The following BNC2 variants were observed in gnomAD, a reference collection of about 807,000 sequenced individuals.
BNC2 encodes the protein basonuclin zinc finger protein 2, also known as zinc finger protein basonuclin-2.
BNC2 carries 20 observed loss-of-function variants against 76.3 expected under a neutral mutation model. That is an observed-to-expected ratio of 0.26 (90% CI 0.18 to 0.38). The LOEUF is 0.38. Among genes scored for constraint, BNC2 ranks in the 10% least tolerant of loss-of-function variants. BNC2 has a pLI of 1.00. For missense variants in BNC2, 1,382 were observed against 1,399.8 expected (o/e 0.99, Z 0.20); for synonymous variants, 582 against 514.8 (o/e 1.13, Z -1.77).
intron 4 of BNC2, among the ~76,000 whole-genome samples, chr9:16,568,171 C>T (rs1819219440): frequency 6.6e-6 from 1 of 152,110 alleles, no homozygotes; most frequent in Admixed American, 6.6e-5. Flanking sequence ...CTTTTAGGAG[C>T]TCTGGATCCT....
intron 5 of BNC2, among the ~76,000 whole-genome samples, chr9:16,531,327 G>A (rs1249598312): frequency 6.6e-6 from 1 of 151,590 alleles, no homozygotes; most frequent in Non-Finnish European, 1.5e-5. Flanking sequence ...CTTCACATGT[G>A]CAAAAACAAG....
intron 3 of BNC2, among the ~76,000 whole-genome samples, chr9:16,594,092 C>G (rs1820003455): frequency 6.6e-6 from 1 of 152,042 alleles, no homozygotes; most frequent in Non-Finnish European, 1.5e-5. Flanking sequence ...TTAATAAGGA[C>G]AGGATTTATA....
At chr9:16,843,019 GT>G (rs1818873588) in intron 1 of BNC2, among the ~76,000 whole-genome samples, 1 of 152,118 alleles carries the variant, frequency 6.6e-6, no homozygotes. Flanking sequence ...AAAATTCAAA[GT>G]TTTTTAATGA....
At chr9:16,450,276 C>T (rs10810564) in intron 5 of BNC2, among the ~76,000 whole-genome samples, 17,798 of 152,154 alleles carry the variant, frequency 0.12, 1,281 homozygotes, top group South Asian at 0.22. Flanking sequence ...ACAAAATGAG[C>T]ATCTTTAAAT....
chr9:16,472,957 G>C lies in BNC2; in HGVS notation c.670-35433C>G, dbSNP rs191578810. Among the ~76,000 whole-genome samples, 3 of 152,314 alleles carry C rather than the reference G, an allele frequency of 2.0e-5. No individual in the cohort carries two copies. In the East Asian group the frequency reaches 5.8e-4, roughly 29 times the overall value. ...AATGGACATGGGTCATCCACAGAGAGGCAGCAGCTGTATGTGGATACTATG... is the reference window on the plus strand; with the variant it reads ...AATGGACATGGGTCATCCACAGAGACGCAGCAGCTGTATGTGGATACTATG... On this transcript the variant is annotated intron_variant, in intron 5 of 6. Transcript: ENST00000380672.
chr9:16,588,651 A>G (rs573355784), intron 3 of BNC2, among the ~76,000 whole-genome samples: 4 of 152,348 alleles, frequency 2.6e-5, no homozygotes, highest in Non-Finnish European at 4.4e-5. Flanking sequence ...AAACTAATCA[A>G]TGTTTGGTCA....
intron 3 of BNC2, among the ~76,000 whole-genome samples, chr9:16,583,628 CAT>C (rs1285259246): frequency 6.6e-6 from 1 of 152,116 alleles, no homozygotes; most frequent in Non-Finnish European, 1.5e-5. Context: ...TAAGACCTAA[CAT>C]ATTTCTATTA....
intron 3 of BNC2, among the ~76,000 whole-genome samples, chr9:16,702,154 G>C (rs923370199): frequency 6.6e-6 from 1 of 152,094 alleles, no homozygotes; most frequent in African/African-American, 2.4e-5. Flanking sequence ...CATGTATGTT[G>C]ACTGCTGCTG....
At position 16,425,801 on chromosome 9, in the gene BNC2, T is replaced by C. The variant is rs112977712; in HGVS notation, c.2640-6152A>G. ...CCTACAGTTAGAAAACAATTTGTCATTGCTGTGGAATGCATAAAAAATGTT... is the reference window on the plus strand; with the variant it reads ...CCTACAGTTAGAAAACAATTTGTCACTGCTGTGGAATGCATAAAAAATGTT... On this transcript the variant is annotated intron_variant, in intron 6 of 6. Transcript: ENST00000380672. Among the ~76,000 whole-genome samples the C allele has an allele frequency of 5.1e-3, 773 of 152,344 alleles. 7 individuals are homozygous for C. The highest frequency in any genetic ancestry group is 6.9e-3 in the Non-Finnish European group (471 of 68,024).
In BNC2 at chr9:16,830,887, A is replaced by C. The variant is rs536222261; in HGVS notation, c.3+39759T>G. On this transcript the variant is annotated intron_variant, in intron 1 of 6. Coordinates refer to ENST00000380672, the MANE Select transcript of BNC2 (RefSeq NM_017637.6). Reference sequence around the variant, plus strand: ...GGATTCTTGGAGGCTGAAAGACTTAAAATTTGAGGAATGAAAGAATAGCAA... The same window carrying C: ...GGATTCTTGGAGGCTGAAAGACTTACAATTTGAGGAATGAAAGAATAGCAA... Among the ~76,000 whole-genome samples, 5 of 152,352 alleles carry C rather than the reference A, an allele frequency of 3.3e-5. No individual in the cohort carries two copies. The South Asian group carries it at 1.0e-3, about 32-fold the overall frequency.
chr9:16,837,363 G>A (rs1251815076), intron 1 of BNC2, among the ~76,000 whole-genome samples: 3 of 152,090 alleles, frequency 2.0e-5, no homozygotes, highest in Admixed American at 6.6e-5. Flanking sequence ...AATTAGCCGA[G>A]CGTGGTGGCA....
At chr9:16,761,885 T>A (rs772972062) in intron 1 of BNC2, among the ~76,000 whole-genome samples, 1 of 152,134 alleles carries the variant, frequency 6.6e-6, no homozygotes, top group Non-Finnish European at 1.5e-5. Flanking sequence ...GCTACCAAGT[T>A]ACATGTAAAT....
At chr9:16,831,830 G>A (rs1818584518) in intron 1 of BNC2, among the ~76,000 whole-genome samples, 1 of 152,136 alleles carries the variant, frequency 6.6e-6, no homozygotes, top group South Asian at 2.1e-4. Context: ...AAGCTCCATA[G>A]AGACTCTCCC....
At chr9:16,616,986 T>C (rs1482952539) in intron 3 of BNC2, among the ~76,000 whole-genome samples, 1 of 152,160 alleles carries the variant, frequency 6.6e-6, no homozygotes, top group African/African-American at 2.4e-5. Flanking sequence ...AAAAAATAGT[T>C]GCCACAGATA....
At chr9:16,675,783 T>A (rs1429118662) in intron 3 of BNC2, among the ~76,000 whole-genome samples, 1 of 152,160 alleles carries the variant, frequency 6.6e-6, no homozygotes, top group East Asian at 1.9e-4. Context: ...ATTTCCAGCT[T>A]TGGCCGGGCT....
chr9:16,624,884 C>G (rs893884195), intron 3 of BNC2, among the ~76,000 whole-genome samples: 1 of 152,156 alleles, frequency 6.6e-6, no homozygotes, highest in African/African-American at 2.4e-5. Context: ...CAAGCACTTC[C>G]TAACCAAATC....
chr9:16,856,262 C>G (rs762336061), intron 1 of BNC2, among the ~76,000 whole-genome samples: 1 of 113,736 alleles, frequency 8.8e-6, no homozygotes, highest in Non-Finnish European at 1.9e-5. Flanking sequence ...TCTTCACACA[C>G]ACTCTCTCTC....
chr9:16,761,705 G>A (rs1373224750), intron 1 of BNC2, among the ~76,000 whole-genome samples: 2 of 152,060 alleles, frequency 1.3e-5, no homozygotes, highest in Admixed American at 1.3e-4. Flanking sequence ...TTTATTTATG[G>A]CTTAATTATT....
intron 5 of BNC2, among the ~76,000 whole-genome samples, chr9:16,496,438 C>A (rs1372866891): frequency 6.6e-6 from 1 of 152,140 alleles, no homozygotes; most frequent in Non-Finnish European, 1.5e-5. Context: ...ATTATTGTGA[C>A]AATGACAAAT....
Sources: allele counts gnomAD v4.1 joint callset (sites outside exome capture counted in the v4.1 genomes callset), GRCh38; gene constraint gnomAD v4.1.1; transcripts MANE v1.5; gene names NCBI Gene and HGNC (gene_info 2026-07-23, HGNC 2026-07-21).